The following CSMD1 variants were observed in gnomAD, a reference collection of about 807,000 sequenced individuals.
CSMD1 encodes CUB and Sushi multiple domains 1.
Under a neutral mutation model 417.5 loss-of-function variants are expected in CSMD1, and 213 were observed. That is an observed-to-expected ratio of 0.51 (90% CI 0.46 to 0.57). CSMD1 has a LOEUF of 0.57. Among genes scored for constraint, CSMD1 ranks in the 20% least tolerant of loss-of-function variants. The pLI, the probability that CSMD1 is intolerant of heterozygous loss-of-function variation, is 0.00. For missense variants in CSMD1, 6,923 were observed against 4,529.7 expected, an observed-to-expected ratio of 1.53 and a Z score of -15.17; for synonymous variants, 2,862 against 1,736.8, an observed-to-expected ratio of 1.65 and a Z score of -16.11.
intron 3 of CSMD1, among the ~76,000 whole-genome samples, chr8:4,074,794 C>A (rs537376014): frequency 1.8e-4 from 28 of 152,134 alleles, no homozygotes; most frequent in Middle Eastern, 3.4e-3. Context: ...TTAGTTATGA[C>A]TGTGGTACAT....
intron 54 of CSMD1, among the ~76,000 whole-genome samples, chr8:2,979,439 T>C (rs546220657): frequency 6.5e-4 from 99 of 152,370 alleles, no homozygotes; most frequent in African/African-American, 2.2e-3. Context: ...TTAGCCTGAA[T>C]GCCTGTTGGC....
intron 5 of CSMD1, among the ~76,000 whole-genome samples, chr8:3,996,228 A>G (rs761904418): frequency 2.0e-4 from 30 of 152,194 alleles, no homozygotes; most frequent in Non-Finnish European, 1.8e-4. Flanking sequence ...CAAGGTGTGC[A>G]GTCAATGCCC....
chr8:3,943,979 A>T (rs577514233), intron 5 of CSMD1, among the ~76,000 whole-genome samples: 3 of 152,190 alleles, frequency 2.0e-5, no homozygotes, highest in Non-Finnish European at 4.4e-5. Flanking sequence ...AAAATTAGGC[A>T]ATGATATTAA....
intron 5 of CSMD1, among the ~76,000 whole-genome samples, chr8:3,925,820 AC>A (rs1379252810): frequency 6.6e-6 from 1 of 152,010 alleles, no homozygotes; most frequent in African/African-American, 2.4e-5. Context: ...CAGCATTAAA[AC>A]CAACTAATAC....
chr8:4,189,383 T>C (rs1007541638), intron 3 of CSMD1, among the ~76,000 whole-genome samples: 1 of 152,152 alleles, frequency 6.6e-6, no homozygotes, highest in African/African-American at 2.4e-5. Context: ...CCATGAATAT[T>C]CTAACTCTAC....
At chr8:4,256,286 G>C (rs1803449457) in intron 3 of CSMD1, among the ~76,000 whole-genome samples, 1 of 152,168 alleles carries the variant, frequency 6.6e-6, no homozygotes, top group Admixed American at 6.5e-5. Flanking sequence ...CGATGCTTAT[G>C]ATGCAGAGTG....
chr8:4,886,392 G>C lies in CSMD1; in HGVS notation c.85+107940C>G, dbSNP rs184139364. On this transcript the variant is annotated intron_variant, in intron 1 of 69. Transcript: ENST00000635120. ...TCCTTAATACATTATTATGATGCTG[G>C]ATTTTTCTTGATAATGTTTTGTTGA... Among the ~76,000 whole-genome samples the C allele has an allele frequency of 8.6e-4, 130 of 151,818 alleles. 3 individuals carry two copies. The highest frequency in any genetic ancestry group is 2.9e-3 in the African/African-American group (121 of 41,358).
chr8:3,405,953 G>T, intron 15 of CSMD1, 74 bp downstream of exon 15: 1 of 1,420,380 alleles, frequency 7.0e-7, no homozygotes, highest in Non-Finnish European at 9.7e-7. Flanking sequence ...AACACAGTTT[G>T]TTGGTTTGTG....
intron 3 of CSMD1, among the ~76,000 whole-genome samples, chr8:4,123,167 T>A (rs940585976): frequency 5.3e-5 from 8 of 152,230 alleles, no homozygotes; most frequent in African/African-American, 1.9e-4. Context: ...TGCTGAGATG[T>A]TTTTTATAAC....
chr8:3,283,083 C>T (rs914394040), intron 26 of CSMD1, among the ~76,000 whole-genome samples: 10 of 152,116 alleles, frequency 6.6e-5, no homozygotes, highest in Non-Finnish European at 1.5e-5. Context: ...TGGCAACTAT[C>T]TTTAGGAGAT....
At chr8:4,804,154 C>T (rs35154851) in intron 1 of CSMD1, among the ~76,000 whole-genome samples, 87 of 152,144 alleles carry the variant, frequency 5.7e-4, no homozygotes, top group Non-Finnish European at 1.0e-3. Context: ...AAACTAGATG[C>T]CCTTGTATTC....
At chr8:4,862,746 A>G (rs1802208681) in intron 1 of CSMD1, among the ~76,000 whole-genome samples, 1 of 152,112 alleles carries the variant, frequency 6.6e-6, no homozygotes, top group African/African-American at 2.4e-5. Flanking sequence ...ATAAAAACAC[A>G]GTAGCGACAA....
At chr8:4,734,798 C>A (rs1439332634) in intron 1 of CSMD1, among the ~76,000 whole-genome samples, 1 of 152,112 alleles carries the variant, frequency 6.6e-6, no homozygotes, top group Non-Finnish European at 1.5e-5. Context: ...ATTTTTAAGA[C>A]CTCTCAAGGA....
intron 2 of CSMD1, among the ~76,000 whole-genome samples, chr8:4,499,010 T>C (rs1802117388): frequency 6.6e-6 from 1 of 152,210 alleles, no homozygotes; most frequent in Non-Finnish European, 1.5e-5. Flanking sequence ...CATTTTCTAA[T>C]TAATTACCCA....
intron 3 of CSMD1, among the ~76,000 whole-genome samples, chr8:4,148,888 C>T (rs1334981054): frequency 6.6e-6 from 1 of 152,170 alleles, no homozygotes; most frequent in East Asian, 1.9e-4. Flanking sequence ...AGCCTGCATT[C>T]CATTCCCAAC....
intron 26 of CSMD1, among the ~76,000 whole-genome samples, chr8:3,261,739 G>A (rs141370134): frequency 7.2e-5 from 11 of 152,146 alleles, no homozygotes; most frequent in African/African-American, 2.4e-4. Context: ...GAATGAAGAG[G>A]CCAGTCCGAG....
chr8:4,471,324 T>G (rs557831866), intron 2 of CSMD1, among the ~76,000 whole-genome samples: 4 of 152,096 alleles, frequency 2.6e-5, no homozygotes, highest in Admixed American at 6.5e-5. Flanking sequence ...GAAAAGGCAA[T>G]AGTGATCACT....
chr8:4,152,502 G>C (rs1188195015), intron 3 of CSMD1, among the ~76,000 whole-genome samples: 3 of 146,932 alleles, frequency 2.0e-5, no homozygotes, highest in African/African-American at 7.6e-5. Context: ...ACACTGCAAA[G>C]CCCTGTCTCT....
At chr8:4,761,163 A>G (rs1015004101) in intron 1 of CSMD1, among the ~76,000 whole-genome samples, 2 of 152,144 alleles carry the variant, frequency 1.3e-5, no homozygotes, top group African/African-American at 2.4e-5. Flanking sequence ...AAAAGTCACT[A>G]TGAAAGCGAA....
Sources: gnomAD v4.1 joint callset for allele counts (sites outside exome capture counted in the v4.1 genomes callset) on GRCh38, gnomAD v4.1.1 for gene constraint, MANE v1.5 for transcripts, NCBI Gene and HGNC (gene_info 2026-07-23, HGNC 2026-07-21) for gene names.